Variants in GPC5 observed in about 807,000 individuals in gnomAD.
GPC5 encodes glypican-5.
A neutral mutation model predicts 53.9 loss-of-function variants in GPC5; 47 were observed. The observed-to-expected ratio is 0.87, with a 90% CI of 0.69 to 1.11. The LOEUF is 1.11. GPC5 is among the 50% of genes most tolerant of loss of function. The probability of loss-of-function intolerance (pLI) is 0.00; values close to 1 mark genes in which losing one functional copy is unlikely to be tolerated. For synonymous variants in GPC5, 286 were observed against 263.3 expected (o/e 1.09, Z -0.84); for missense variants, 748 against 713.1 (o/e 1.05, Z -0.56).
chr13:92,527,108 A>AGAAAAGAAAGAAAGAAAG (rs75868236), intron 7 of GPC5, among the ~76,000 whole-genome samples: 1 of 39,024 alleles, frequency 2.6e-5, no homozygotes, highest in African/African-American at 8.0e-5. Context: ...AAAGAAAGAA[A>AGAAAAGAAAGAAAGAAAG]AAAGAAAGAA....
intron 7 of GPC5, among the ~76,000 whole-genome samples, chr13:92,202,182 CTG>C (rs2042299955): frequency 6.6e-6 from 1 of 152,110 alleles, no homozygotes; most frequent in Admixed American, 6.5e-5. Flanking sequence ...AATACTGTAA[CTG>C]TAGCTTGGTC....
rs191026640 is a variant in GPC5 at position 91,784,795 on chromosome 13, C to G, written c.1280+28375C>G. 2.2e-4 allele frequency among the ~76,000 whole-genome samples: 33 copies of G among 151,554 alleles called. No individual in the cohort carries two copies. In the East Asian group the frequency reaches 6.2e-3, roughly 29 times the overall value. On this transcript the variant is annotated intron_variant, in intron 5 of 7. Coordinates refer to ENST00000377067, the MANE Select transcript of GPC5 (RefSeq NM_004466.6). ...TTGATTAACTATGCCATGGTTATAG[C>G]CATATGTGATTTTTAGTTTAATTTT...
At position 92,576,808 on chromosome 13, in the gene GPC5, C is replaced by T. The variant is rs550782265; in HGVS notation, c.1562-289474C>T. On this transcript the variant is annotated intron_variant, in intron 7 of 7. Coordinates refer to ENST00000377067, the MANE Select transcript of GPC5 (RefSeq NM_004466.6). ...TCTTTCTCCAAAGACTTTATCTGTA[C>T]TTATCTATGTCAATCATAAACTTGA... 4.6e-5 allele frequency among the ~76,000 whole-genome samples: 7 copies of T among 152,272 alleles called. No individual in the cohort carries two copies. In the South Asian group the frequency reaches 8.3e-4, roughly 18 times the overall value.
chr13:91,694,736 T>C (rs2035843102), intron 3 of GPC5, among the ~76,000 whole-genome samples: 1 of 152,160 alleles, frequency 6.6e-6, no homozygotes, highest in Non-Finnish European at 1.5e-5. Flanking sequence ...TAGGCTGGCA[T>C]TGATTTACCA....
chr13:91,582,124 G>C (rs1366403121), intron 2 of GPC5, among the ~76,000 whole-genome samples: 2 of 152,102 alleles, frequency 1.3e-5, no homozygotes, highest in Admixed American at 1.3e-4. Flanking sequence ...GGGCTGCAGT[G>C]GGGGAATAGA....
At chr13:92,808,614 T>A (rs1454144865) in intron 7 of GPC5, among the ~76,000 whole-genome samples, 2 of 152,060 alleles carry the variant, frequency 1.3e-5, no homozygotes, top group Non-Finnish European at 2.9e-5. Context: ...ACAAGATGAT[T>A]TTTTCTAAAT....
At chr13:91,482,101 A>T (rs1883334113) in intron 2 of GPC5, among the ~76,000 whole-genome samples, 1 of 152,176 alleles carries the variant, frequency 6.6e-6, no homozygotes, top group Non-Finnish European at 1.5e-5. Flanking sequence ...GAAGGTTTTT[A>T]TCCCCTCTGA....
intron 6 of GPC5, among the ~76,000 whole-genome samples, chr13:92,049,920 G>T (rs572430046): frequency 7.9e-4 from 120 of 152,150 alleles, no homozygotes; most frequent in African/African-American, 2.8e-3. Context: ...AAAGTAGCTT[G>T]CATTTTTGAT....
intron 6 of GPC5, among the ~76,000 whole-genome samples, chr13:92,126,972 G>A (rs1325283632): frequency 6.6e-6 from 1 of 152,076 alleles, no homozygotes; most frequent in East Asian, 1.9e-4. Context: ...CAATTTTGGA[G>A]GAATATGCTT....
intron 7 of GPC5, among the ~76,000 whole-genome samples, chr13:92,476,268 A>T (rs1879124161): frequency 6.6e-6 from 1 of 152,236 alleles, no homozygotes; most frequent in African/African-American, 2.4e-5. Flanking sequence ...AAAGACATTT[A>T]TGCAGCCAAA....
chr13:91,469,983 G>C (rs476977), intron 2 of GPC5, among the ~76,000 whole-genome samples: 75,330 of 151,974 alleles, frequency 0.5, 19,810 homozygotes, highest in Non-Finnish European at 0.6. Context: ...AGGTTGCAGT[G>C]AGCTGAGATC....
intron 2 of GPC5, among the ~76,000 whole-genome samples, chr13:91,675,783 G>A (rs926043470): frequency 6.6e-6 from 1 of 152,148 alleles, no homozygotes; most frequent in Admixed American, 6.5e-5. Flanking sequence ...TCTGGGTTTG[G>A]AGCATCAGCT....
intron 2 of GPC5, among the ~76,000 whole-genome samples, chr13:91,559,505 A>T (rs550362216): frequency 6.6e-6 from 1 of 152,278 alleles, no homozygotes; most frequent in East Asian, 1.9e-4. Flanking sequence ...TTGGTTTTTG[A>T]ATTTTATTGC....
At chr13:91,612,908 T>C (rs1166225583) in intron 2 of GPC5, among the ~76,000 whole-genome samples, 1 of 152,100 alleles carries the variant, frequency 6.6e-6, no homozygotes, top group South Asian at 2.1e-4. Context: ...GTGACCTGAA[T>C]AGGGGAACAG....
chr13:92,633,091 A>G (rs899698403), intron 7 of GPC5, among the ~76,000 whole-genome samples: 1 of 152,220 alleles, frequency 6.6e-6, no homozygotes, highest in East Asian at 1.9e-4. Flanking sequence ...GGGTTTCACC[A>G]TGTTGGCCAG....
At chr13:92,665,131 T>A (rs1886527506) in intron 7 of GPC5, among the ~76,000 whole-genome samples, 1 of 152,108 alleles carries the variant, frequency 6.6e-6, no homozygotes. Context: ...TATTTGCCAC[T>A]GGGGCTTGAA....
rs956369176 is a variant in GPC5 at position 91,969,741 on chromosome 13, T to G, written c.1401+61684T>G. Among the ~76,000 whole-genome samples, 57 of 152,120 alleles carry G rather than the reference T, an allele frequency of 3.7e-4. 1 individual carries two copies. Among genetic ancestry groups the G allele is most frequent in the African/African-American group, 1.3e-3 (53 of 41,514 alleles). On this transcript the variant is annotated intron_variant, in intron 6 of 7. Transcript: ENST00000377067. Reference sequence around the variant, plus strand: ...AGATTTCACAAAATAAAACATAAAATAGCCAACACGTTTATGAAAAGGTGC... The same window carrying G: ...AGATTTCACAAAATAAAACATAAAAGAGCCAACACGTTTATGAAAAGGTGC...
At chr13:92,638,759 G>C (rs1187645538) in intron 7 of GPC5, among the ~76,000 whole-genome samples, 1 of 152,152 alleles carries the variant, frequency 6.6e-6, no homozygotes, top group Non-Finnish European at 1.5e-5. Flanking sequence ...TTAGCACAAA[G>C]AACAAGGGGC....
At chr13:92,619,566 T>C (rs1031593339) in intron 7 of GPC5, among the ~76,000 whole-genome samples, 2 of 151,990 alleles carry the variant, frequency 1.3e-5, no homozygotes, top group African/African-American at 4.8e-5. Context: ...ATTTTTCTCT[T>C]AAATAATTTC....
Sources: allele counts gnomAD v4.1 joint callset (sites outside exome capture counted in the v4.1 genomes callset), GRCh38; gene constraint gnomAD v4.1.1; transcripts MANE v1.5; gene names NCBI Gene and HGNC (gene_info 2026-07-23, HGNC 2026-07-21).